The following PRKG1 variants were observed in gnomAD, a reference collection of about 807,000 sequenced individuals.
PRKG1 encodes the protein cGMP-dependent protein kinase 1.
PRKG1 carries 35 observed loss-of-function variants against 88.1 expected under a neutral mutation model. The ratio of observed to expected loss-of-function variants is 0.40; its 90% confidence interval spans 0.30 to 0.53. The LOEUF (loss-of-function observed/expected upper bound fraction) is 0.53. PRKG1 is among the 20% of genes least tolerant of loss of function. The probability of loss-of-function intolerance (pLI) is 0.59; values close to 1 mark genes in which losing one functional copy is unlikely to be tolerated. For missense variants in PRKG1, 540 were observed against 839.8 expected, an observed-to-expected ratio of 0.64 and a Z score of 4.41; for synonymous variants, 303 against 292.5, an observed-to-expected ratio of 1.04 and a Z score of -0.37.
chr10:51,056,620 G>A (rs1490100477), intron 1 of PRKG1, among the ~76,000 whole-genome samples: 1 of 152,090 alleles, frequency 6.6e-6, no homozygotes, highest in Non-Finnish European at 1.5e-5. Context: ...ACATCATGCT[G>A]TTGGAATAGT....
chr10:51,444,020 G>A (rs1839198483), intron 2 of PRKG1, among the ~76,000 whole-genome samples: 1 of 150,096 alleles, frequency 6.7e-6, no homozygotes, highest in Admixed American at 6.7e-5. Context: ...TGTTTTCTTA[G>A]GTGAACACAA....
intron 4 of PRKG1, among the ~76,000 whole-genome samples, chr10:51,854,360 C>A (rs1840629110): frequency 6.6e-6 from 1 of 152,016 alleles, no homozygotes; most frequent in Admixed American, 6.6e-5. Context: ...TATCTCTGTG[C>A]AGTGTTTGGG....
At chr10:51,910,804 T>A (rs962704159) in intron 5 of PRKG1, 26 of 152,248 alleles carry the variant, frequency 1.7e-4, no homozygotes, top group African/African-American at 6.3e-4. Flanking sequence ...ACCTTGGAAT[T>A]TAAACAGGGC....
chr10:51,059,795 G>A (rs2132781441), intron 1 of PRKG1, among the ~76,000 whole-genome samples: 1 of 152,194 alleles, frequency 6.6e-6, no homozygotes. Flanking sequence ...GCAATTTTGA[G>A]ATGAGGTGTT....
chr10:51,774,135 A>G (rs1425754322), intron 3 of PRKG1, among the ~76,000 whole-genome samples: 3 of 152,034 alleles, frequency 2.0e-5, no homozygotes, highest in African/African-American at 7.2e-5. Context: ...GGGTAAGAAA[A>G]TTAAGCACCC....
intron 3 of PRKG1, among the ~76,000 whole-genome samples, chr10:51,772,025 C>G (rs1838317189): frequency 6.6e-6 from 1 of 151,986 alleles, no homozygotes; most frequent in African/African-American, 2.4e-5. Flanking sequence ...AGGAAGCCCT[C>G]ATAATCCAAA....
chr10:51,437,533 C>T (rs1838969939), intron 2 of PRKG1, among the ~76,000 whole-genome samples: 1 of 151,818 alleles, frequency 6.6e-6, no homozygotes, highest in African/African-American at 2.4e-5. Flanking sequence ...ATGGTAAATT[C>T]CTGGAAGATA....
chr10:51,260,074 A>G (rs1839665386), intron 2 of PRKG1, among the ~76,000 whole-genome samples: 1 of 152,136 alleles, frequency 6.6e-6, no homozygotes, highest in Non-Finnish European at 1.5e-5. Context: ...ACCAGTTCTT[A>G]CCTAACATTT....
At position 52,046,852 on chromosome 10, in the gene PRKG1, T is replaced by C. The variant is rs185150675; in HGVS notation, c.763-7632T>C. 2.2e-4 allele frequency: 34 copies of C among 152,280 alleles called. 1 individual carries two copies. The highest frequency in any genetic ancestry group is 1.9e-3 in the Admixed American group (29 of 15,274). The allele number at this position is 152,280 out of a possible 1,614,324, so 9.4% of individuals were successfully genotyped here. ...AAAGGCTGCACTCTCCTAACCAGAT[T>C]GTGTATCTCCTCTGCACCTGAAGTT... On this transcript the variant is annotated intron_variant, in intron 5 of 17. Coordinates refer to ENST00000373980, the MANE Select transcript of PRKG1 (RefSeq NM_006258.4).
intron 10 of PRKG1, among the ~76,000 whole-genome samples, chr10:52,264,021 C>A (rs1166852707): frequency 2.0e-5 from 3 of 152,032 alleles, no homozygotes; most frequent in Admixed American, 1.3e-4. Context: ...ATAGTAACTT[C>A]ATGTCTTTTT....
intron 3 of PRKG1, among the ~76,000 whole-genome samples, chr10:51,554,158 T>TTATATGTGCGTATGTGATATGTGTATA (rs1837238404): frequency 6.8e-6 from 1 of 146,696 alleles, no homozygotes; most frequent in Non-Finnish European, 1.5e-5. Context: ...TGTGTATATA[T>TTATATGTGCGTATGTGATATGTGTATA]TATATGTGCG....
intron 3 of PRKG1, among the ~76,000 whole-genome samples, chr10:51,539,428 A>G (rs1471814802): frequency 6.6e-6 from 1 of 152,190 alleles, no homozygotes; most frequent in Non-Finnish European, 1.5e-5. Context: ...AAAACAATGT[A>G]CAAAGATTGG....
intron 1 of PRKG1, among the ~76,000 whole-genome samples, chr10:51,078,810 G>T (rs1172318779): frequency 2.0e-5 from 3 of 151,650 alleles, no homozygotes; most frequent in Non-Finnish European, 4.4e-5. Context: ...GTAGAGACGG[G>T]GTTTCACAGT....
chr10:51,532,720 C>A (rs999633794), intron 3 of PRKG1, among the ~76,000 whole-genome samples: 1 of 152,174 alleles, frequency 6.6e-6, no homozygotes, highest in African/African-American at 2.4e-5. Context: ...CCACATAAGG[C>A]AGCTCTTTGA....
At chr10:51,371,660 T>TA (rs989141556) in intron 2 of PRKG1, among the ~76,000 whole-genome samples, 3 of 152,238 alleles carry the variant, frequency 2.0e-5, no homozygotes, top group Admixed American at 6.5e-5. Context: ...AAATGGTCAG[T>TA]AAGCTTACTT....
At chr10:51,154,264 C>T (rs1393962449) in intron 2 of PRKG1, among the ~76,000 whole-genome samples, 1 of 151,828 alleles carries the variant, frequency 6.6e-6, no homozygotes, top group Non-Finnish European at 1.5e-5. Flanking sequence ...TGGTTTTCAA[C>T]TGATGATGAT....
At chr10:51,301,774 G>A (rs1589333933) in intron 2 of PRKG1, among the ~76,000 whole-genome samples, 2 of 152,284 alleles carry the variant, frequency 1.3e-5, no homozygotes, top group South Asian at 4.2e-4. Context: ...CCTGTCTCCT[G>A]AGCCTCCCCG....
chr10:51,331,639 T>C (rs1193609713), intron 2 of PRKG1, among the ~76,000 whole-genome samples: 1 of 152,186 alleles, frequency 6.6e-6, no homozygotes, highest in Non-Finnish European at 1.5e-5. Context: ...TTTCTTATTA[T>C]TGTGCTGCAA....
chr10:51,471,952 C>T (rs571331354), intron 3 of PRKG1, among the ~76,000 whole-genome samples: 1 of 151,940 alleles, frequency 6.6e-6, no homozygotes, highest in Non-Finnish European at 1.5e-5. Context: ...CTAATTATTT[C>T]TCCTTAAATT....
Sources: gnomAD v4.1 joint callset for allele counts (sites outside exome capture counted in the v4.1 genomes callset) on GRCh38, gnomAD v4.1.1 for gene constraint, MANE v1.5 for transcripts, NCBI Gene and HGNC (gene_info 2026-07-23, HGNC 2026-07-21) for gene names.